ANAPC5: variants seen among roughly 807,000 people sequenced by gnomAD.
ANAPC5 encodes anaphase promoting complex subunit 5.
In ANAPC5, 60 loss-of-function variants were observed where a neutral mutation model predicts 91.3. That is an observed-to-expected ratio of 0.66 (90% CI 0.53 to 0.81). The LOEUF (loss-of-function observed/expected upper bound fraction) is 0.81. Among genes scored for constraint, ANAPC5 ranks in the 40% least tolerant of loss-of-function variants. ANAPC5 has a pLI of 0.00. For synonymous variants in ANAPC5, 340 were observed against 364.1 expected (o/e 0.93, Z 0.75); for missense variants, 690 against 931.5 (o/e 0.74, Z 3.37).
intron 5 of ANAPC5, 66 bp downstream of exon 5, chr12:121,341,937 A>G: frequency 3.9e-6 from 5 of 1,292,362 alleles, no homozygotes; most frequent in Non-Finnish European, 5.5e-6. Context: ...CACAACACAC[A>G]TCACAGGACT....
At chr12:121,340,839 C>T (rs1273694381) in intron 5 of ANAPC5, among the ~76,000 whole-genome samples, 1 of 151,778 alleles carries the variant, frequency 6.6e-6, no homozygotes, top group Non-Finnish European at 1.5e-5. Flanking sequence ...GGATTACAGG[C>T]GTGAGCCACC....
At chr12:121,319,878 T>A in intron 12 of ANAPC5, 60 bp from the exon 13 acceptor site, 1 of 1,479,834 alleles carries the variant, frequency 6.8e-7, no homozygotes, top group Non-Finnish European at 9.1e-7. Flanking sequence ...TTAATGAGTA[T>A]ATGAAAGTAT....
At chr12:121,322,836 A>G (rs1446300801) in intron 11 of ANAPC5, among the ~76,000 whole-genome samples, 1 of 152,138 alleles carries the variant, frequency 6.6e-6, no homozygotes, top group East Asian at 1.9e-4. Context: ...CAGCCTGGCC[A>G]ACATGGTGAA....
In ANAPC5 at chr12:121,309,161, A is replaced by T. The variant is rs969355467; in HGVS notation, c.2057-470T>A. On this transcript the variant is annotated intron_variant, in intron 16 of 16. Transcript: ENST00000261819. ...GACTCCATCTCAAAAAAAAAAAAAA[A>T]AAAAAAAGGCCGGGCGCAGTGGCTC... 2.7e-3 allele frequency among the ~76,000 whole-genome samples: 380 copies of T among 142,774 alleles called. 4 individuals carry two copies. Among genetic ancestry groups the T allele is most frequent in the African/African-American group, 9.5e-3 (364 of 38,126 alleles). 93.7% of individuals were successfully genotyped at this position (142,774 alleles called of 152,430 possible). A position where few individuals can be genotyped will look rare whatever the true frequency, so the allele number is the denominator to read the frequency against.
chr12:121,327,442 G>A (rs1406532762), intron 10 of ANAPC5: 9 of 573,112 alleles, frequency 1.6e-5, no homozygotes, highest in South Asian at 4.3e-5. Context: ...GAGGAGACAC[G>A]TAGTGGTTAG....
chr12:121,319,509 C>T (rs143310882), intron 13 of ANAPC5, among the ~76,000 whole-genome samples, 188 bp downstream of exon 13: 120 of 139,490 alleles, frequency 8.6e-4, no homozygotes, highest in Non-Finnish European at 1.4e-3. Flanking sequence ...GCTGGGATTA[C>T]AGGTGTAAGT....
chr12:121,330,682 G>T lies in ANAPC5; in HGVS notation c.1033-10C>A. ...GCACATAAAGCCAGCTCTGGCAAGA[G>T]AAATCATCAAAATATATCATAACAG... is the stretch of plus-strand genomic sequence containing the variant. On this transcript the variant is annotated splice_polypyrimidine_tract_variant and intron_variant, in intron 8 of 16. Coordinates refer to ENST00000261819, the MANE Select transcript of ANAPC5 (RefSeq NM_016237.5). 6.2e-7 allele frequency: 1 copy of T among 1,611,474 alleles called. No individual in the cohort carries two copies. The highest frequency in any genetic ancestry group is 2.2e-5 in the East Asian group (1 of 44,858).
intron 1 of ANAPC5, among the ~76,000 whole-genome samples, chr12:121,349,833 A>T (rs1423186202): frequency 6.6e-6 from 1 of 150,978 alleles, no homozygotes; most frequent in Admixed American, 6.6e-5. Context: ...CAGCCTCCCG[A>T]GTAGCTGGGA....
intron 5 of ANAPC5, 80 bp downstream of exon 5, chr12:121,341,923 A>T (rs146141345): frequency 8.7e-7 from 1 of 1,142,936 alleles, no homozygotes; most frequent in African/African-American, 1.6e-5. Flanking sequence ...TAACGGGCCT[A>T]TGCCACAACA....
At chr12:121,351,479 A>G (rs1903891010) in intron 1 of ANAPC5, among the ~76,000 whole-genome samples, 1 of 151,384 alleles carries the variant, frequency 6.6e-6, no homozygotes. Context: ...TTTTTTTGAA[A>G]CGGAGTCTTG....
intron 6 of ANAPC5, among the ~76,000 whole-genome samples, chr12:121,337,034 A>G (rs1300388681): frequency 6.6e-6 from 1 of 152,174 alleles, no homozygotes; most frequent in Non-Finnish European, 1.5e-5. Flanking sequence ...CCTGGCCAAC[A>G]TGGTGAAACC....
chr12:121,340,432 T>A (rs1903403095), intron 5 of ANAPC5, among the ~76,000 whole-genome samples: 1 of 151,962 alleles, frequency 6.6e-6, no homozygotes, highest in Admixed American at 6.6e-5. Flanking sequence ...AGGTACAAGG[T>A]AAGGTAAGGA....
At chr12:121,324,609 C>A (rs189657948) in intron 11 of ANAPC5, among the ~76,000 whole-genome samples, 25 of 152,282 alleles carry the variant, frequency 1.6e-4, no homozygotes, top group Admixed American at 5.9e-4. Flanking sequence ...AAGAATTGAG[C>A]CACAAGGCAC....
chr12:121,309,643 T>C, intron 16 of ANAPC5, 58 bp downstream of exon 16: 1 of 1,539,282 alleles, frequency 6.5e-7, no homozygotes, highest in South Asian at 1.2e-5. Context: ...TTCTGGGTCC[T>C]AAACTTTCAA....
upstream of ANAPC5, among the ~76,000 whole-genome samples, chr12:121,354,047 C>A (rs74564432): frequency 8.9e-4 from 132 of 148,488 alleles, no homozygotes; most frequent in East Asian, 0.026. Flanking sequence ...GGAGTACAGT[C>A]GCTCGATTTC....
chr12:121,331,413 G>T lies in ANAPC5; in HGVS notation c.966C>A (p.Leu322=). ...CRFGHYQQAE[L]ALQEAIRIAQ... ...CAATCCTAATTGCCTCCTGCAGGGC[G>T]AGCTCTGCCTGTTGACTAATGACAG... Residue 322 remains leucine (L), a synonymous_variant, in exon 8 of 17, where the codon CTC becomes CTA. Coordinates refer to ENST00000261819, the MANE Select transcript of ANAPC5 (RefSeq NM_016237.5). The T allele has an allele frequency of 6.2e-7, 1 of 1,609,052 alleles. No homozygotes were observed. Among genetic ancestry groups the T allele is most frequent in the South Asian group, 1.1e-5 (1 of 90,960 alleles).
chr12:121,352,166 T>A lies in ANAPC5; in HGVS notation c.175A>T (p.Arg59Trp). 1 of 1,612,204 alleles carries A rather than the reference T, an allele frequency of 6.2e-7. No individual in the cohort carries two copies. The highest frequency in any genetic ancestry group is 1.7e-5 in the Admixed American group (1 of 59,990). The change falls in exon 1 of 17, where the codon AGG becomes TGG. Residue 59 changes from arginine to tryptophan, a missense_variant. Coordinates refer to ENST00000261819, the MANE Select transcript of ANAPC5 (RefSeq NM_016237.5). Reference protein sequence around the residue: ...EGAVSLMERRRLNQLLLPLLQ... With the variant: ...EGAVSLMERRWLNQLLLPLLQ... ...AGGGGCAGGAGCAGCTGGTTGAGCCTCCGCCGCTCCATGAGGCTGACGGCG... is the reference window on the plus strand; with the variant it reads ...AGGGGCAGGAGCAGCTGGTTGAGCCACCGCCGCTCCATGAGGCTGACGGCG...
chr12:121,328,740 G>A, intron 9 of ANAPC5: 1 of 392,476 alleles, frequency 2.5e-6, no homozygotes. Flanking sequence ...GCATTAGATG[G>A]ACCTGGACTT....
At chr12:121,336,106 G>A (rs1238064059) in intron 6 of ANAPC5, among the ~76,000 whole-genome samples, 1 of 151,990 alleles carries the variant, frequency 6.6e-6, no homozygotes, top group Non-Finnish European at 1.5e-5. Context: ...ATAAAATTAA[G>A]TTTTATTAAT....
Sources: allele counts gnomAD v4.1 joint callset (sites outside exome capture counted in the v4.1 genomes callset), GRCh38; gene constraint gnomAD v4.1.1; transcripts MANE v1.5; gene names NCBI Gene and HGNC (gene_info 2026-07-23, HGNC 2026-07-21).